TGFB2: variants seen among roughly 807,000 people sequenced by gnomAD.
TGFB2 encodes the protein transforming growth factor beta 2, also known as transforming growth factor beta-2 proprotein.
Under a neutral mutation model 42.7 loss-of-function variants are expected in TGFB2, and 13 were observed. The observed-to-expected ratio is 0.30, with a 90% confidence interval of 0.20 to 0.48. The LOEUF is 0.48. Ranked by LOEUF, TGFB2 falls within the 20% of genes least tolerant of loss-of-function variation. TGFB2 has a pLI of 0.99. For synonymous variants in TGFB2, 193 were observed against 193.6 expected, an observed-to-expected ratio of 1.00 and a Z score of 0.03; for missense variants, 390 against 517.5, an observed-to-expected ratio of 0.75 and a Z score of 2.39.
chr1:218,379,089 A>T (rs1308378551), intron 1 of TGFB2, among the ~76,000 whole-genome samples: 1 of 151,804 alleles, frequency 6.6e-6, no homozygotes, highest in Non-Finnish European at 1.5e-5. Context: ...TTAATTATAA[A>T]AGCAGACCGA....
intron 1 of TGFB2, among the ~76,000 whole-genome samples, chr1:218,355,281 A>T (rs1214070632): frequency 2.6e-5 from 4 of 152,196 alleles, no homozygotes; most frequent in African/African-American, 9.7e-5. Flanking sequence ...TATTTCAGAG[A>T]ATTAATTTAT....
intron 2 of TGFB2, among the ~76,000 whole-genome samples, chr1:218,430,723 A>C (rs1659779786): frequency 6.6e-6 from 1 of 152,270 alleles, no homozygotes; most frequent in South Asian, 2.1e-4. Flanking sequence ...GTTAAGATTC[A>C]AGACTTTACG....
chr1:218,357,279 G>A (rs1043620278), intron 1 of TGFB2, among the ~76,000 whole-genome samples: 3 of 151,994 alleles, frequency 2.0e-5, no homozygotes, highest in Non-Finnish European at 4.4e-5. Context: ...GGAGGGGCTG[G>A]TCGAGAGTAA....
intron 1 of TGFB2, among the ~76,000 whole-genome samples, chr1:218,366,302 C>T (rs1657384930): frequency 1.3e-5 from 2 of 152,048 alleles, no homozygotes; most frequent in African/African-American, 4.8e-5. Flanking sequence ...TGGTATTTCT[C>T]TCTCTCTCTC....
chr1:218,369,128 A>T (rs1385475203), intron 1 of TGFB2, among the ~76,000 whole-genome samples: 1 of 151,762 alleles, frequency 6.6e-6, no homozygotes, highest in Admixed American at 6.6e-5. Context: ...GGTGGCATGC[A>T]TCTGTAGTCC....
At chr1:218,377,996 T>G (rs112749873) in intron 1 of TGFB2, among the ~76,000 whole-genome samples, 4,780 of 152,052 alleles carry the variant, frequency 0.031, 268 homozygotes, top group African/African-American at 0.11. Flanking sequence ...TTGTTTTTGA[T>G]ACAGAGCCTT....
chr1:218,395,611 C>CT (rs35666134), intron 1 of TGFB2, among the ~76,000 whole-genome samples: 26,817 of 138,576 alleles, frequency 0.19, 2,691 homozygotes, highest in South Asian at 0.24. Flanking sequence ...TTTTCTTTTT[C>CT]TTTTTTTTTT....
intron 1 of TGFB2, among the ~76,000 whole-genome samples, chr1:218,392,254 G>A (rs1022016556): frequency 3.3e-5 from 5 of 152,206 alleles, no homozygotes; most frequent in Admixed American, 1.3e-4. Context: ...TCAGGAGGCT[G>A]AGGCAGGAGA....
intron 2 of TGFB2, among the ~76,000 whole-genome samples, chr1:218,414,719 A>G (rs897523874): frequency 6.6e-6 from 1 of 152,256 alleles, no homozygotes; most frequent in African/African-American, 2.4e-5. Flanking sequence ...ATGTTAGTGA[A>G]TATGCAATAG....
In TGFB2 at chr1:218,346,618, C is replaced by G. The variant is rs1402110856; in HGVS notation, c.-84C>G. 7.9e-7 allele frequency: 1 copy of G among 1,266,282 alleles called. No individual in the cohort carries two copies. The highest frequency in any genetic ancestry group is 1.5e-5 in the African/African-American group (1 of 66,022). 78.4% of individuals were successfully genotyped at this position (1,266,282 alleles called of 1,614,324 possible). ...CAACAACAAAAAACCAAACAACTCTCCTTGATCTATACTTTGAGAATTGTT... is the reference window on the plus strand; with the variant it reads ...CAACAACAAAAAACCAAACAACTCTGCTTGATCTATACTTTGAGAATTGTT... On this transcript the variant is annotated 5_prime_UTR_variant, in exon 1 of 7. Coordinates refer to ENST00000366930, the MANE Select transcript of TGFB2 (RefSeq NM_003238.6). This position sits in a 1 kb window ranked among gnomAD's most constrained non-coding sequence, Gnocchi z 4.9.
chr1:218,357,866 T>C (rs1657091876), intron 1 of TGFB2, among the ~76,000 whole-genome samples: 1 of 152,228 alleles, frequency 6.6e-6, no homozygotes, highest in African/African-American at 2.4e-5. Context: ...GAAAAAGTCA[T>C]GGAGTAGCTA....
chr1:218,361,749 A>T (rs1657219133), intron 1 of TGFB2, among the ~76,000 whole-genome samples: 1 of 152,098 alleles, frequency 6.6e-6, no homozygotes, highest in Admixed American at 6.6e-5. Flanking sequence ...CTTGTGACAA[A>T]CCGTTTATAT....
chr1:218,377,560 A>C (rs1033177023), intron 1 of TGFB2, among the ~76,000 whole-genome samples: 10 of 152,116 alleles, frequency 6.6e-5, no homozygotes, highest in Admixed American at 3.3e-4. Context: ...TGATTCATTC[A>C]ATGTAGTCCT....
At chr1:218,390,721 G>A (rs955134756) in intron 1 of TGFB2, among the ~76,000 whole-genome samples, 1 of 152,178 alleles carries the variant, frequency 6.6e-6, no homozygotes, top group Non-Finnish European at 1.5e-5. Flanking sequence ...AAGCTGCTTA[G>A]CACCCAAATG....
chr1:218,392,780 C>T (rs890933959), intron 1 of TGFB2, among the ~76,000 whole-genome samples: 1 of 152,182 alleles, frequency 6.6e-6, no homozygotes, highest in Non-Finnish European at 1.5e-5. Context: ...ATAATCCAGA[C>T]CATGTATTCC....
chr1:218,405,446 C>G, intron 2 of TGFB2, 114 bp downstream of exon 2: 2 of 1,563,424 alleles, frequency 1.3e-6, no homozygotes, highest in Middle Eastern at 1.7e-4. Context: ...CTCACTGCAA[C>G]CTTGAACTCC....
At chr1:218,382,672 A>T (rs1658003494) in intron 1 of TGFB2, among the ~76,000 whole-genome samples, 1 of 152,206 alleles carries the variant, frequency 6.6e-6, no homozygotes. Flanking sequence ...GACACATAGG[A>T]ACTGAATTCA....
At chr1:218,369,747 T>G (rs1657512681) in intron 1 of TGFB2, among the ~76,000 whole-genome samples, 1 of 152,210 alleles carries the variant, frequency 6.6e-6, no homozygotes, top group Non-Finnish European at 1.5e-5. Flanking sequence ...AATGTCAAAC[T>G]GCCTTTTCCG....
At chr1:218,357,851 C>A (rs1657091412) in intron 1 of TGFB2, among the ~76,000 whole-genome samples, 1 of 152,126 alleles carries the variant, frequency 6.6e-6, no homozygotes, top group Admixed American at 6.5e-5. Context: ...CGCTGCGTTT[C>A]TGAAGAAAAA....
Sources: allele counts gnomAD v4.1 joint callset (sites outside exome capture counted in the v4.1 genomes callset), GRCh38; gene constraint gnomAD v4.1.1; non-coding constraint Gnocchi (gnomAD v3.1); transcripts MANE v1.5; gene names NCBI Gene and HGNC (gene_info 2026-07-23, HGNC 2026-07-21).